The following SEC23A variants were observed in gnomAD, a reference collection of about 807,000 sequenced individuals.
SEC23A encodes the protein protein transport protein Sec23A.
A neutral mutation model predicts 103.7 loss-of-function variants in SEC23A; 56 were observed. The observed-to-expected ratio is 0.54, with a 90% CI of 0.44 to 0.67. SEC23A has a LOEUF of 0.67. SEC23A is among the 30% of genes least tolerant of loss of function. SEC23A has a pLI of 0.00. For synonymous variants in SEC23A, 281 were observed against 293.0 expected, an observed-to-expected ratio of 0.96 and a Z score of 0.42; for missense variants, 784 against 936.4, an observed-to-expected ratio of 0.84 and a Z score of 2.12.
intron 5 of SEC23A, chr14:39,087,826 T>G (rs1887495966): frequency 1.3e-5 from 2 of 152,228 alleles, no homozygotes; most frequent in Non-Finnish European, 2.9e-5. Context: ...ATGTTCCATA[T>G]TCTATGCTAA....
intron 1 of SEC23A, among the ~76,000 whole-genome samples, chr14:39,101,063 C>T (rs570200817): frequency 2.6e-5 from 4 of 152,010 alleles, no homozygotes; most frequent in East Asian, 2.0e-4. Flanking sequence ...AGGCTGGTCT[C>T]GAACTCCTGA....
intron 13 of SEC23A, among the ~76,000 whole-genome samples, chr14:39,057,862 C>T (rs766166904): frequency 2.0e-5 from 3 of 152,106 alleles, no homozygotes; most frequent in East Asian, 1.9e-4. Context: ...AATAAAGTGT[C>T]GGAAGTTTCT....
chr14:39,089,461 A>T (rs1043080168), intron 5 of SEC23A, among the ~76,000 whole-genome samples: 1 of 142,190 alleles, frequency 7.0e-6, no homozygotes, highest in African/African-American at 2.4e-5. Flanking sequence ...CTCCTCTCTA[A>T]GGTACTCCGC....
At chr14:39,064,044 T>C (rs1436088828) in intron 11 of SEC23A, among the ~76,000 whole-genome samples, 5 of 151,406 alleles carry the variant, frequency 3.3e-5, no homozygotes, top group Non-Finnish European at 7.4e-5. Flanking sequence ...AATGAAGTAA[T>C]TGCAACTAAC....
chr14:39,046,887 T>C (rs1885857601), intron 15 of SEC23A, among the ~76,000 whole-genome samples: 1 of 152,324 alleles, frequency 6.6e-6, no homozygotes, highest in South Asian at 2.1e-4. Flanking sequence ...AGGTCTTAAG[T>C]GCCTATATGT....
At chr14:39,055,095 A>G (rs1212793265) in intron 14 of SEC23A, 48 bp downstream of exon 14, 3 of 1,607,902 alleles carry the variant, frequency 1.9e-6, no homozygotes, top group Admixed American at 3.3e-5. Context: ...AACATTTACT[A>G]CAAATGAAAG....
intron 5 of SEC23A, among the ~76,000 whole-genome samples, chr14:39,088,954 GT>G (rs1387251399): frequency 6.6e-6 from 1 of 151,922 alleles, no homozygotes; most frequent in African/African-American, 2.4e-5. Flanking sequence ...AGATCACGAG[GT>G]CAGGAGATCA....
At chr14:39,064,780 A>G (rs962551978) in intron 11 of SEC23A, 133 bp downstream of exon 11, 21 of 748,718 alleles carry the variant, frequency 2.8e-5, no homozygotes, top group Non-Finnish European at 3.9e-5. Flanking sequence ...GGGTCTCTCT[A>G]TGTTGCCTGA....
chr14:39,078,463 A>G (rs1301170798), intron 7 of SEC23A, among the ~76,000 whole-genome samples: 1 of 152,204 alleles, frequency 6.6e-6, no homozygotes, highest in Non-Finnish European at 1.5e-5. Flanking sequence ...TACAAAAAGC[A>G]GCAATGAACC....
chr14:39,042,983 A>AT, intron 16 of SEC23A, 111 bp from the exon 17 acceptor site: 1 of 751,604 alleles, frequency 1.3e-6, no homozygotes, highest in Admixed American at 2.7e-5. Flanking sequence ...TTATTTATTT[A>AT]TTTATTTTTT....
chr14:39,082,312 A>T (rs1887255979), intron 7 of SEC23A, among the ~76,000 whole-genome samples: 1 of 151,724 alleles, frequency 6.6e-6, no homozygotes, highest in Non-Finnish European at 1.5e-5. Flanking sequence ...CTCTTCCTCA[A>T]GTAGAAAGCC....
In SEC23A at chr14:39,103,164, G is replaced by A. The variant is rs965522933; in HGVS notation, c.-154C>T. Reference sequence around the variant, plus strand: ...GCAGTCCGTGGCACCGCAATCAGGGGTGGCGCCACCCCGCCCCGGGCCTCA... The same window carrying A: ...GCAGTCCGTGGCACCGCAATCAGGGATGGCGCCACCCCGCCCCGGGCCTCA... On this transcript the variant is annotated 5_prime_UTR_variant, in exon 1 of 20. Transcript: ENST00000307712. The A allele has an allele frequency of 2.0e-5, 3 of 151,986 alleles. No individual in the cohort carries two copies. Among genetic ancestry groups the A allele is most frequent in the Admixed American group, 6.5e-5 (1 of 15,276 alleles). 9.4% of individuals were successfully genotyped at this position (151,986 alleles called of 1,614,324 possible).
chr14:39,090,487 A>C (rs534782356), intron 5 of SEC23A, among the ~76,000 whole-genome samples: 1 of 152,258 alleles, frequency 6.6e-6, no homozygotes, highest in East Asian at 1.9e-4. Context: ...AGAAAGCTTC[A>C]ATTTGTCCCA....
At chr14:39,090,128 A>G (rs1887605515) in intron 5 of SEC23A, among the ~76,000 whole-genome samples, 1 of 152,282 alleles carries the variant, frequency 6.6e-6, no homozygotes, top group South Asian at 2.1e-4. Context: ...GTTTCAAATT[A>G]GACTCACCCT....
chr14:39,062,132 C>A (rs1886502318), intron 12 of SEC23A, among the ~76,000 whole-genome samples: 1 of 152,008 alleles, frequency 6.6e-6, no homozygotes, highest in African/African-American at 2.4e-5. Context: ...GCCAGAGGGA[C>A]ATGAAAGAAC....
At chr14:39,087,417 G>A in intron 5 of SEC23A, 2 of 187,726 alleles carry the variant, frequency 1.1e-5, no homozygotes, top group East Asian at 1.5e-4. Flanking sequence ...CTTCCCTCAT[G>A]GAAATTAAAA....
chr14:39,066,141 C>T (rs1180492995), intron 10 of SEC23A, among the ~76,000 whole-genome samples: 1 of 149,878 alleles, frequency 6.7e-6, no homozygotes, highest in Non-Finnish European at 1.5e-5. Context: ...TTATGTCATT[C>T]TATTACATGC....
chr14:39,056,551 T>G (rs567103035), intron 13 of SEC23A, among the ~76,000 whole-genome samples: 4 of 151,812 alleles, frequency 2.6e-5, no homozygotes, highest in African/African-American at 9.7e-5. Flanking sequence ...CTCAGCTCAC[T>G]GCAACCTCTG....
intron 12 of SEC23A, among the ~76,000 whole-genome samples, chr14:39,063,106 C>T (rs1231211936): frequency 6.6e-6 from 1 of 152,028 alleles, no homozygotes; most frequent in African/African-American, 2.4e-5. Flanking sequence ...CAAGGTTTGG[C>T]GTTTGTAGGT....
Sources: gnomAD v4.1 joint callset for allele counts (sites outside exome capture counted in the v4.1 genomes callset) on GRCh38, gnomAD v4.1.1 for gene constraint, MANE v1.5 for transcripts, NCBI Gene and HGNC (gene_info 2026-07-23, HGNC 2026-07-21) for gene names.